Variants in KCNT1 observed in about 807,000 individuals in gnomAD.
KCNT1 encodes the protein potassium sodium-activated channel subfamily T member 1.
In KCNT1, 78 loss-of-function variants were observed where a neutral mutation model predicts 147.8. The observed-to-expected ratio is 0.53, with a 90% CI of 0.44 to 0.64. The LOEUF is 0.64. Ranked by LOEUF, KCNT1 falls within the 30% of genes least tolerant of loss-of-function variation. The pLI is 0.00. For missense variants in KCNT1, 1,419 were observed against 1,750.3 expected (o/e 0.81, Z 3.38); for synonymous variants, 867 against 748.8 (o/e 1.16, Z -2.58).
At position 135,771,086 on chromosome 9, in the gene KCNT1, G is replaced by T. The variant is rs781725359; in HGVS notation, c.1999G>T (p.Ala667Ser). 2 of 1,610,276 alleles carry T rather than the reference G, an allele frequency of 1.2e-6. No homozygotes were observed. Among genetic ancestry groups the T allele is most frequent in the Non-Finnish European group, 1.7e-6 (2 of 1,178,194 alleles). Reference sequence around the variant, plus strand: ...CCGCCTGCCCGTGCACAGCATCATCGCCTCCATGGGTGAGCCGGGACAGGC... The same window carrying T: ...CCGCCTGCCCGTGCACAGCATCATCTCCTCCATGGGTGAGCCGGGACAGGC... ...PARLPVHSII[A>S]SMGTVAMDLQ... Residue 667 changes from alanine to serine, a missense_variant, in exon 18 of 31, where the codon GCC becomes TCC. Ala to Ser is a moderately conservative substitution (Grantham distance 99, BLOSUM62 1). Transcript: ENST00000371757.
intron 2 of KCNT1, among the ~76,000 whole-genome samples, chr9:135,732,316 G>T (rs1020843294): frequency 4.6e-5 from 7 of 152,168 alleles, no homozygotes; most frequent in Admixed American, 3.9e-4. Context: ...ACCGCAACTG[G>T]CTTCAAATAT....
At chr9:135,702,587 C>A (rs1287642584) in intron 1 of KCNT1, among the ~76,000 whole-genome samples, 1 of 152,156 alleles carries the variant, frequency 6.6e-6, no homozygotes, top group African/African-American at 2.4e-5. Flanking sequence ...AGCGTCCGTC[C>A]CCATCTGTCC....
intron 2 of KCNT1, among the ~76,000 whole-genome samples, chr9:135,731,999 G>GAGAGAGAGAGAGAGAC (rs1836483314): frequency 2.2e-5 from 1 of 45,016 alleles, no homozygotes; most frequent in African/African-American, 7.5e-5. Flanking sequence ...TATAGAGAGA[G>GAGAGAGAGAGAGAGAC]AGAGAGAGAG....
intron 12 of KCNT1, 111 bp downstream of exon 12, chr9:135,765,306 C>T (rs557370070): frequency 7.6e-5 from 82 of 1,080,120 alleles, no homozygotes; most frequent in Non-Finnish European, 1.1e-4. Context: ...CCTTGGTTTA[C>T]CCCTTCAGTG....
intron 1 of KCNT1, among the ~76,000 whole-genome samples, chr9:135,712,567 A>T (rs1212600720): frequency 6.6e-6 from 1 of 151,978 alleles, no homozygotes; most frequent in Non-Finnish European, 1.5e-5. Context: ...CCCTGTGCCC[A>T]AAAAAGCTGG....
intron 24 of KCNT1, among the ~76,000 whole-genome samples, chr9:135,783,076 G>C (rs905577196): frequency 8.5e-5 from 13 of 152,248 alleles, no homozygotes; most frequent in African/African-American, 3.1e-4. Context: ...ACACTTGCTT[G>C]GAGGCCGAGC....
intron 1 of KCNT1, among the ~76,000 whole-genome samples, chr9:135,704,243 G>C (rs1397214146): frequency 6.6e-6 from 1 of 152,122 alleles, no homozygotes; most frequent in Non-Finnish European, 1.5e-5. Context: ...GCCTTGAGCA[G>C]GCCTCTGTCT....
intron 2 of KCNT1, among the ~76,000 whole-genome samples, chr9:135,718,969 A>G (rs550905757): frequency 1.3e-5 from 2 of 152,154 alleles, no homozygotes; most frequent in Non-Finnish European, 2.9e-5. Flanking sequence ...CAGAGTTGGG[A>G]GCTCACTCAC....
intron 1 of KCNT1, among the ~76,000 whole-genome samples, chr9:135,712,123 C>G (rs1033656086): frequency 6.6e-6 from 1 of 152,146 alleles, no homozygotes; most frequent in Admixed American, 6.5e-5. Flanking sequence ...CCAAGAGGAG[C>G]AGCGGGGTGC....
chr9:135,787,433 T>G (rs1834149214), intron 29 of KCNT1, among the ~76,000 whole-genome samples: 1 of 152,292 alleles, frequency 6.6e-6, no homozygotes, highest in African/African-American at 2.4e-5. Context: ...GGCTCCACCT[T>G]CCCTTTGTTC....
chr9:135,707,839 A>T (rs982243456), intron 1 of KCNT1, among the ~76,000 whole-genome samples: 3 of 152,144 alleles, frequency 2.0e-5, no homozygotes, highest in African/African-American at 7.2e-5. Context: ...CTGTCTGGAT[A>T]AATCTACAGC....
intron 20 of KCNT1, among the ~76,000 whole-genome samples, chr9:135,776,257 T>A (rs904916521): frequency 6.6e-6 from 1 of 151,882 alleles, no homozygotes; most frequent in East Asian, 1.9e-4. Flanking sequence ...TTTTGTTTAT[T>A]TGTTGTTTGG....
chr9:135,713,659 C>G (rs978497584), intron 1 of KCNT1, among the ~76,000 whole-genome samples: 3 of 152,228 alleles, frequency 2.0e-5, no homozygotes, highest in Admixed American at 6.5e-5. Context: ...CTCCATCCCC[C>G]CTCTGCTCTC....
chr9:135,723,043 G>A (rs1267088443), intron 2 of KCNT1, among the ~76,000 whole-genome samples: 1 of 152,258 alleles, frequency 6.6e-6, no homozygotes, highest in African/African-American at 2.4e-5. Flanking sequence ...AGAGCCTCCT[G>A]CATGCAGCTT....
chr9:135,788,053 C>CGT, intron 29 of KCNT1: 1 of 984,678 alleles, frequency 1.0e-6, no homozygotes, highest in Non-Finnish European at 1.5e-6. Context: ...TGCTGATATT[C>CGT]TCTCTCTCTC....
intron 2 of KCNT1, among the ~76,000 whole-genome samples, chr9:135,731,969 T>G (rs1439188002): frequency 4.7e-5 from 1 of 21,302 alleles, no homozygotes; most frequent in African/African-American, 1.8e-4. Context: ...TGTATATATA[T>G]ATATATATAT....
chr9:135,765,788 C>G, intron 13 of KCNT1, 28 bp downstream of exon 13: 60 of 1,162,396 alleles, frequency 5.2e-5, no homozygotes, highest in Non-Finnish European at 6.4e-5. Context: ...GAGGGGGTGG[C>G]ATGGGGGCAC....
At chr9:135,791,565 G>T in intron 29 of KCNT1, 1 of 542,644 alleles carries the variant, frequency 1.8e-6, no homozygotes, top group South Asian at 2.1e-5. Flanking sequence ...GTGCGGGTCA[G>T]AGCTGGCTCC....
At position 135,730,843 on chromosome 9, in the gene KCNT1, G is replaced by A. The variant is rs1390221097; in HGVS notation, c.254+16123G>A. The stretch of plus-strand genomic sequence containing the variant: ...TCTACAAAAAATACAAAACTTAGCC[G>A]AGCATGGTGGTGCATGCCTGTAGTC... On this transcript the variant is annotated intron_variant, in intron 2 of 30. Coordinates refer to ENST00000371757, the MANE Select transcript of KCNT1 (RefSeq NM_020822.3). The surrounding 1 kb of genome is among the most constrained non-coding windows in gnomAD (Gnocchi z 4.7). Among the ~76,000 whole-genome samples, 3 of 151,786 alleles carry A rather than the reference G, an allele frequency of 2.0e-5. No homozygotes were observed. Among genetic ancestry groups the A allele is most frequent in the East Asian group, 1.9e-4 (1 of 5,158 alleles).
Sources: allele counts gnomAD v4.1 joint callset (sites outside exome capture counted in the v4.1 genomes callset), GRCh38; gene constraint gnomAD v4.1.1; non-coding constraint Gnocchi (gnomAD v3.1); transcripts MANE v1.5; gene names NCBI Gene and HGNC (gene_info 2026-07-23, HGNC 2026-07-21).